The following HACL1 variants were observed in gnomAD, a reference collection of about 807,000 sequenced individuals.
The protein encoded by HACL1 is 1600020H07Rik.
Under a neutral mutation model 74.2 loss-of-function variants are expected in HACL1, and 64 were observed. The ratio of observed to expected loss-of-function variants is 0.86; its 90% CI spans 0.70 to 1.06. HACL1 has a LOEUF of 1.06. HACL1 is among the 50% of genes least tolerant of loss of function. The pLI is 0.00. For missense variants in HACL1, 728 were observed against 719.7 expected, an observed-to-expected ratio of 1.01 and a Z score of -0.13; for synonymous variants, 230 against 238.8, an observed-to-expected ratio of 0.96 and a Z score of 0.34.
chr3:15,589,333 C>CA (rs1173700497), intron 5 of HACL1, among the ~76,000 whole-genome samples: 2 of 151,808 alleles, frequency 1.3e-5, no homozygotes, highest in East Asian at 3.9e-4. Flanking sequence ...CTCGTCTCTA[C>CA]AAAAAACTCA....
chr3:15,580,605 T>G (rs998676472), intron 8 of HACL1, among the ~76,000 whole-genome samples: 2 of 152,242 alleles, frequency 1.3e-5, no homozygotes, highest in Non-Finnish European at 2.9e-5. Flanking sequence ...CTCTTGCTAC[T>G]GTCACTTACC....
chr3:15,595,677 T>C (rs896113723), intron 3 of HACL1, among the ~76,000 whole-genome samples: 8 of 140,442 alleles, frequency 5.7e-5, no homozygotes, highest in African/African-American at 2.1e-4. Context: ...TGGCGCAATC[T>C]CAGCTCACTG....
chr3:15,585,317 C>T lies in HACL1; in HGVS notation c.485G>A (p.Arg162His), dbSNP rs200885429. The change falls in exon 7 of 17, where the codon CGT becomes CAT. Residue 162 changes from arginine to histidine, a missense_variant. By Grantham distance (29) the Arg-to-His change is conservative. Coordinates refer to ENST00000321169, the MANE Select transcript of HACL1 (RefSeq NM_012260.4). ...TATGTCAACATAGCAAGCACCTGGA[C>T]GACCATAGATACTGCTTCTCACTGC... ...EKAVRSSIYGRPGACYVDIPA... is the reference protein window; with the variant it reads ...EKAVRSSIYGHPGACYVDIPA... 1.7e-5 allele frequency: 27 copies of T among 1,602,010 alleles called. No homozygotes were observed. In the African/African-American group the frequency reaches 2.1e-4, roughly 13 times the overall value.
chr3:15,581,940 T>C (rs1272331970), intron 8 of HACL1, among the ~76,000 whole-genome samples: 1 of 152,248 alleles, frequency 6.6e-6, no homozygotes, highest in Non-Finnish European at 1.5e-5. Flanking sequence ...TTATATCCTA[T>C]TGAGGTAGTT....
rs916608362 is a variant in HACL1 at position 15,569,319 on chromosome 3, T to G, written c.1096-733A>C. On this transcript the variant is annotated intron_variant, in intron 12 of 16. Transcript: ENST00000321169. Reference sequence around the variant, plus strand: ...TCCTGCACTAAAGAAGAGAAGCAAGTCCCTTCTATCTTAAACCAACATCGT... The same window carrying G: ...TCCTGCACTAAAGAAGAGAAGCAAGGCCCTTCTATCTTAAACCAACATCGT... Among the ~76,000 whole-genome samples the G allele has an allele frequency of 2.6e-5, 4 of 152,180 alleles. No homozygotes were observed. The South Asian group carries it at 8.3e-4, about 32-fold the overall frequency.
chr3:15,583,103 C>T, intron 7 of HACL1, 114 bp from the exon 8 acceptor site: 1 of 569,138 alleles, frequency 1.8e-6, no homozygotes, highest in South Asian at 2.4e-5. Context: ...CCATACACCC[C>T]CATGTAGATC....
chr3:15,582,190 A>G (rs921151354), intron 8 of HACL1, among the ~76,000 whole-genome samples: 2 of 152,244 alleles, frequency 1.3e-5, no homozygotes, highest in Non-Finnish European at 1.5e-5. Context: ...ATACTATAAT[A>G]AATTGCTGAC....
chr3:15,593,200 CGTGT>C (rs1284771480), intron 3 of HACL1, among the ~76,000 whole-genome samples: 1 of 145,572 alleles, frequency 6.9e-6, no homozygotes, highest in Non-Finnish European at 1.5e-5. Context: ...TATATATGTG[CGTGT>C]GTGTATATAT....
rs770988796 is a variant in HACL1, at chr3:15,560,762, TTTTA to T, written c.*99_*102del. ...TGTAAAATGTCATTTTAAATGTTTA[TTTTA>T]TTTTGCACAATTTTAACAGTAGAGT... is the stretch of plus-strand genomic sequence containing the variant. On this transcript the variant is annotated 3_prime_UTR_variant, in exon 17 of 17. Transcript: ENST00000321169. 1.5e-5 allele frequency: 12 copies of T among 798,016 alleles called. No homozygotes were observed. Among genetic ancestry groups the T allele is most frequent in the Non-Finnish European group, 2.3e-5 (11 of 470,880 alleles). The allele number at this position is 798,016 out of a possible 1,614,324, so 49.4% of individuals were successfully genotyped here.
At chr3:15,576,701 GT>G (rs1352279869) in intron 9 of HACL1, among the ~76,000 whole-genome samples, 11 of 151,806 alleles carry the variant, frequency 7.2e-5, no homozygotes, top group Admixed American at 2.0e-4. Flanking sequence ...GTTTTGTTTT[GT>G]TTTTCACTTC....
chr3:15,566,957 C>T (rs1473871550), intron 14 of HACL1, among the ~76,000 whole-genome samples: 1 of 150,718 alleles, frequency 6.6e-6, no homozygotes, highest in Non-Finnish European at 1.5e-5. Context: ...ATAGCTGGGA[C>T]TATAGGCATG....
chr3:15,563,364 C>G lies in HACL1; in HGVS notation c.1698G>C (p.Lys566Asn), dbSNP rs1389026905. Residue 566 changes from lysine to asparagine, a missense_variant, in exon 16 of 17, where the codon AAG becomes AAC. Physicochemically the swap from Lys to Asn is moderately conservative, Grantham distance 94. Transcript: ENST00000321169. ...NIMIEPQATR[K>N]AQDFHWLTRS... is the part of the protein sequence containing the mutation. ...GCTTAGCAACTGTATTTACCTGGGC[C>G]TTCCGTGTGGCTTGTGGCTCAATCA... The G allele has an allele frequency of 6.2e-7, 1 of 1,611,304 alleles. No homozygotes were observed. Among genetic ancestry groups the G allele is most frequent in the South Asian group, 1.1e-5 (1 of 90,814 alleles).
chr3:15,569,619 C>T (rs561951020), intron 12 of HACL1, among the ~76,000 whole-genome samples: 1 of 151,888 alleles, frequency 6.6e-6, no homozygotes, highest in Non-Finnish European at 1.5e-5. Context: ...GTCGGGAGTT[C>T]GAGACCAGCC....
intron 5 of HACL1, among the ~76,000 whole-genome samples, chr3:15,587,460 C>T (rs1005652529): frequency 7.1e-6 from 1 of 140,526 alleles, no homozygotes; most frequent in South Asian, 2.4e-4. Flanking sequence ...GATCACCCTC[C>T]GATTTTCAGT....
chr3:15,562,567 A>T (rs1397493076), intron 16 of HACL1, among the ~76,000 whole-genome samples: 1 of 152,204 alleles, frequency 6.6e-6, no homozygotes, highest in Non-Finnish European at 1.5e-5. Context: ...ACCAAGACAG[A>T]AAGTACTTGA....
rs776765919 is a variant in HACL1 at position 15,579,949 on chromosome 3, G to C, written c.764C>G (p.Pro255Arg). The C allele has an allele frequency of 1.2e-6, 2 of 1,610,948 alleles. No individual in the cohort carries two copies. Among genetic ancestry groups the C allele is most frequent in the Admixed American group, 3.3e-5 (2 of 59,934 alleles). The stretch of plus-strand genomic sequence containing the variant: ...ACCTACACAGTATGGATGGTTGTCA[G>C]GGACAACACCCTTCCCCATAGGGGT... The part of the protein sequence containing the change: ...LPTPMGKGVV[P>R]DNHPYCVGAA... Residue 255 changes from proline (P) to arginine (R), a missense_variant, in exon 9 of 17, where the codon CCT becomes CGT. Physicochemically the swap from Pro to Arg is moderately radical, Grantham distance 103. Coordinates refer to ENST00000321169, the MANE Select transcript of HACL1 (RefSeq NM_012260.4).
Position 15,564,675 on chromosome 3 carries a change from A to C in HACL1, c.1410-17T>G. 2.0e-6 allele frequency: 2 copies of C among 1,000,356 alleles called. No homozygotes were observed. The highest frequency in any genetic ancestry group is 3.1e-6 in the Non-Finnish European group (2 of 650,836). The allele number at this position is 1,000,356 out of a possible 1,614,324, so 62.0% of individuals were successfully genotyped here. A position where few individuals can be genotyped will look rare whatever the true frequency, so the allele number is the denominator to read the frequency against. ...AAGTTGTACCTAAAGTGAGAGTAAA[A>C]TATGAAGGAAATCATTCTTCATTTT... On this transcript the variant is annotated splice_polypyrimidine_tract_variant and intron_variant, in intron 14 of 16. Transcript: ENST00000321169.
chr3:15,596,086 T>A, intron 3 of HACL1: 1 of 269,404 alleles, frequency 3.7e-6, no homozygotes, highest in Non-Finnish European at 7.1e-6. Flanking sequence ...GAACCAAGCA[T>A]TTTTGTATTA....
Position 15,571,771 on chromosome 3 carries a change from TTAA to T in HACL1, c.994-5_994-3del. ...TGTTTTATCAAGTTCCTCTAAAAGC[TTAA>T]AAAAAAAAAAACACACACACACAAA... On this transcript the variant is annotated splice_region_variant and splice_polypyrimidine_tract_variant and intron_variant, in intron 11 of 16. Coordinates refer to ENST00000321169, the MANE Select transcript of HACL1 (RefSeq NM_012260.4). 4 of 982,930 alleles carry T rather than the reference TTAA, an allele frequency of 4.1e-6. No homozygotes were observed. The highest frequency in any genetic ancestry group is 2.4e-5 in the Admixed American group (1 of 41,320). 60.9% of individuals were successfully genotyped at this position (982,930 alleles called of 1,614,324 possible).
Sources: allele counts gnomAD v4.1 joint callset (sites outside exome capture counted in the v4.1 genomes callset), GRCh38; gene constraint gnomAD v4.1.1; transcripts MANE v1.5; gene names NCBI Gene and HGNC (gene_info 2026-07-23, HGNC 2026-07-21).